The following PRKN variants were observed in gnomAD, a reference collection of about 807,000 sequenced individuals.
PRKN encodes the protein E3 ubiquitin-protein ligase parkin.
PRKN carries 56 observed loss-of-function variants against 59.5 expected under a neutral mutation model. The observed-to-expected ratio is 0.94, with a 90% CI of 0.76 to 1.18. The LOEUF (loss-of-function observed/expected upper bound fraction) is 1.18. PRKN is among the 50% of genes most tolerant of loss of function. The pLI is 0.00. For missense variants in PRKN, 657 were observed against 596.4 expected, an observed-to-expected ratio of 1.10 and a Z score of -1.06; for synonymous variants, 250 against 222.1, an observed-to-expected ratio of 1.13 and a Z score of -1.12.
intron 2 of PRKN, among the ~76,000 whole-genome samples, chr6:162,375,542 G>A (rs74515967): frequency 0.016 from 2,503 of 151,840 alleles, 42 homozygotes; most frequent in East Asian, 0.07. Flanking sequence ...TCACTGGAAC[G>A]TTCTAGATTT....
chr6:161,992,205 G>A (rs912192966), intron 5 of PRKN, among the ~76,000 whole-genome samples: 2 of 151,956 alleles, frequency 1.3e-5, no homozygotes, highest in African/African-American at 4.8e-5. Context: ...TGAGTGGGGT[G>A]GTGGCGCACC....
chr6:162,685,594 G>GT (rs1779938476), intron 1 of PRKN, among the ~76,000 whole-genome samples: 1 of 152,020 alleles, frequency 6.6e-6, no homozygotes, highest in African/African-American at 2.4e-5. Flanking sequence ...GTATAAGCAG[G>GT]TAACAAATGG....
intron 6 of PRKN, among the ~76,000 whole-genome samples, chr6:161,797,443 T>G (rs897254403): frequency 6.6e-6 from 1 of 152,122 alleles, no homozygotes; most frequent in African/African-American, 2.4e-5. Flanking sequence ...ATTTGTGTAT[T>G]TTTAGTAGAT....
chr6:162,512,793 G>C (rs997837790), intron 1 of PRKN, among the ~76,000 whole-genome samples: 1 of 151,914 alleles, frequency 6.6e-6, no homozygotes, highest in Non-Finnish European at 1.5e-5. Flanking sequence ...ACAATTATAG[G>C]ATAAAAACTT....
At position 161,957,028 on chromosome 6, in the gene PRKN, C is replaced by A. The variant is rs373567436; in HGVS notation, c.734+16274G>T. ...GGGAACCTCCGAGTCTTCAGACACC[C>A]GCTGGAAGACCAGCCATCATCACTC... On this transcript the variant is annotated intron_variant, in intron 6 of 11. Transcript: ENST00000366898. 1.2e-4 allele frequency among the ~76,000 whole-genome samples: 19 copies of A among 152,290 alleles called. No homozygotes were observed. The South Asian group carries it at 3.9e-3, about 32-fold the overall frequency.
In PRKN at chr6:161,399,634, A is replaced by G. The variant is rs1279571755; in HGVS notation, c.1084-12757T>C. On this transcript the variant is annotated intron_variant, in intron 9 of 11. Transcript: ENST00000366898. This position sits in a 1 kb window ranked among gnomAD's most constrained non-coding sequence, Gnocchi z 4.4. ...CAGGGAACTCTCCCGTTTCAGCAGT[A>G]AGAAGAGGAAGGTGAACTGGGACCA... Among the ~76,000 whole-genome samples the G allele has an allele frequency of 6.6e-6, 1 of 152,194 alleles. No homozygotes were observed. The highest frequency in any genetic ancestry group is 2.4e-5 in the African/African-American group (1 of 41,428).
At chr6:162,431,697 C>T (rs1479774889) in intron 2 of PRKN, among the ~76,000 whole-genome samples, 1 of 152,112 alleles carries the variant, frequency 6.6e-6, no homozygotes, top group African/African-American at 2.4e-5. Flanking sequence ...AAACAAAATA[C>T]TAAAAGAAAA....
chr6:161,912,711 C>T (rs1778409576), intron 6 of PRKN, among the ~76,000 whole-genome samples: 1 of 152,148 alleles, frequency 6.6e-6, no homozygotes, highest in South Asian at 2.1e-4. Flanking sequence ...CAGTTGGCTG[C>T]CAGCCATCCT....
chr6:162,622,305 T>TG (rs1554254914), intron 1 of PRKN, among the ~76,000 whole-genome samples: 4 of 151,052 alleles, frequency 2.6e-5, no homozygotes, highest in Non-Finnish European at 5.9e-5. Context: ...TTTTTTTTGT[T>TG]TTGTTTTTTT....
intron 7 of PRKN, among the ~76,000 whole-genome samples, chr6:161,599,735 G>C (rs766780066): frequency 2.0e-5 from 3 of 152,022 alleles, no homozygotes; most frequent in African/African-American, 7.2e-5. Flanking sequence ...ATAGGGATGG[G>C]GTAACATAAT....
At chr6:161,874,361 T>C (rs185052141) in intron 6 of PRKN, among the ~76,000 whole-genome samples, 248 of 16,026 alleles carry the variant, frequency 0.015, 27 homozygotes, top group Non-Finnish European at 0.027. Flanking sequence ...ATATATATTA[T>C]ATGTAAAATA....
At chr6:161,835,362 C>T (rs911326742) in intron 6 of PRKN, among the ~76,000 whole-genome samples, 1 of 151,982 alleles carries the variant, frequency 6.6e-6, no homozygotes, top group Non-Finnish European at 1.5e-5. Flanking sequence ...GCAGAACCCC[C>T]ACTCCACACC....
intron 9 of PRKN, among the ~76,000 whole-genome samples, chr6:161,474,664 G>A (rs766374076): frequency 6.6e-6 from 1 of 151,364 alleles, no homozygotes; most frequent in East Asian, 1.9e-4. Context: ...GTGTGATCTC[G>A]GCTCACTGCA....
intron 1 of PRKN, among the ~76,000 whole-genome samples, chr6:162,554,649 C>T (rs538374243): frequency 9.2e-4 from 140 of 152,148 alleles, no homozygotes; most frequent in African/African-American, 3.2e-3. Context: ...GGGAGCACAG[C>T]GCAGCGCAAT....
intron 9 of PRKN, among the ~76,000 whole-genome samples, chr6:161,512,766 C>T (rs1329487039): frequency 2.6e-5 from 4 of 152,224 alleles, no homozygotes; most frequent in Non-Finnish European, 5.9e-5. Flanking sequence ...CTGACTCTTA[C>T]TTGCCGTCCT....
chr6:161,707,141 G>C (rs571159255), intron 7 of PRKN, among the ~76,000 whole-genome samples: 1 of 152,218 alleles, frequency 6.6e-6, no homozygotes, highest in East Asian at 1.9e-4. Flanking sequence ...CAACATTATA[G>C]CTAATTTCCA....
chr6:162,601,878 T>C (rs1302465960), intron 1 of PRKN, among the ~76,000 whole-genome samples: 1 of 152,218 alleles, frequency 6.6e-6, no homozygotes, highest in African/African-American at 2.4e-5. Context: ...ATCGTATCTT[T>C]AACAAACTGC....
At chr6:162,547,702 T>C (rs1779174173) in intron 1 of PRKN, among the ~76,000 whole-genome samples, 1 of 152,106 alleles carries the variant, frequency 6.6e-6, no homozygotes, top group African/African-American at 2.4e-5. Context: ...TGCCTCAGCC[T>C]CCCAAGTAGC....
chr6:162,319,148 GA>G (rs1311362371), intron 2 of PRKN, among the ~76,000 whole-genome samples: 1 of 151,880 alleles, frequency 6.6e-6, no homozygotes, highest in African/African-American at 2.4e-5. Flanking sequence ...TACGAAATAA[GA>G]AACAAACATA....
Sources: gnomAD v4.1 joint callset for allele counts (sites outside exome capture counted in the v4.1 genomes callset) on GRCh38, gnomAD v4.1.1 for gene constraint, Gnocchi (gnomAD v3.1) non-coding constraint, MANE v1.5 for transcripts, NCBI Gene and HGNC (gene_info 2026-07-23, HGNC 2026-07-21) for gene names.